The following RAD18 variants were observed in gnomAD, a reference collection of about 807,000 sequenced individuals.
RAD18 encodes the protein E3 ubiquitin-protein ligase RAD18.
In RAD18, 47 loss-of-function variants were observed where a neutral mutation model predicts 60.4. The ratio of observed to expected loss-of-function variants is 0.78; its 90% CI spans 0.62 to 0.99. RAD18 has a LOEUF of 0.99. Ranked by LOEUF, RAD18 falls within the 50% of genes least tolerant of loss-of-function variation. The pLI is 0.00. For missense variants in RAD18, 640 were observed against 593.3 expected (o/e 1.08, Z -0.82); for synonymous variants, 225 against 195.5 (o/e 1.15, Z -1.26).
intron 5 of RAD18, 21 bp from the exon 6 acceptor site, chr3:8,939,674 AAG>A: frequency 6.3e-7 from 1 of 1,586,450 alleles, no homozygotes; most frequent in Non-Finnish European, 8.6e-7. Flanking sequence ...TAAAAAGAAA[AAG>A]AGAGACTTTA....
Position 8,879,705 on chromosome 3 carries a change from C to T in RAD18, c.*1652G>A, listed in dbSNP as rs906777855. 1.6e-4 allele frequency: 24 copies of T among 152,314 alleles called. No individual in the cohort carries two copies. Among genetic ancestry groups the T allele is most frequent in the African/African-American group, 5.3e-4 (22 of 41,436 alleles). 9.4% of individuals were successfully genotyped at this position (152,314 alleles called of 1,614,324 possible). On this transcript the variant is annotated 3_prime_UTR_variant, in exon 13 of 13. Transcript: ENST00000264926. ...TCCTGGGGGGCAAAATCTTTCTGCC[C>T]ACCCCACTGGGAACCATTGTTCTAG...
intron 9 of RAD18, among the ~76,000 whole-genome samples, chr3:8,903,291 G>A (rs1332393487): frequency 7.2e-5 from 11 of 152,040 alleles, no homozygotes; most frequent in African/African-American, 1.9e-4. Context: ...AAAGATGCCC[G>A]CTTTCTTAAA....
intron 7 of RAD18, among the ~76,000 whole-genome samples, chr3:8,914,581 G>T (rs1050245809): frequency 3.3e-5 from 5 of 151,956 alleles, no homozygotes; most frequent in Non-Finnish European, 4.4e-5. Flanking sequence ...ACCTTATGAC[G>T]ATCATTTAAG....
chr3:8,959,086 A>C, intron 1 of RAD18, 85 bp from the exon 2 acceptor site: 1 of 997,560 alleles, frequency 1.0e-6, no homozygotes, highest in South Asian at 1.4e-5. Context: ...TATCCCCTAA[A>C]AAAAAAATCA....
At chr3:8,910,814 T>C (rs1301356490) in intron 9 of RAD18, among the ~76,000 whole-genome samples, 1 of 152,184 alleles carries the variant, frequency 6.6e-6, no homozygotes, top group Non-Finnish European at 1.5e-5. Flanking sequence ...AGCACATCAA[T>C]AGTTAATGTG....
At position 8,879,535 on chromosome 3, in the gene RAD18, T is replaced by G. The variant is rs1178885309; in HGVS notation, c.*1822A>C. On this transcript the variant is annotated 3_prime_UTR_variant, in exon 13 of 13. Transcript: ENST00000264926. The stretch of plus-strand genomic sequence containing the variant: ...TTTCTGTTGTGTAAGCTTCCCCGTC[T>G]GCAGTATCTTGTGACGGCAGCCCTG... 6.6e-6 allele frequency: 1 copy of G among 152,272 alleles called. No individual in the cohort carries two copies. Among genetic ancestry groups the G allele is most frequent in the African/African-American group, 2.4e-5 (1 of 41,464 alleles). 9.4% of individuals were successfully genotyped at this position (152,272 alleles called of 1,614,324 possible). A position where few individuals can be genotyped will look rare whatever the true frequency, so the allele number is the denominator to read the frequency against.
chr3:8,936,818 A>G (rs1469437208), intron 6 of RAD18, among the ~76,000 whole-genome samples: 1 of 152,184 alleles, frequency 6.6e-6, no homozygotes, highest in Non-Finnish European at 1.5e-5. Context: ...CCTTCTCCAC[A>G]CCATCCACCA....
intron 11 of RAD18, among the ~76,000 whole-genome samples, 189 bp from the exon 12 acceptor site, chr3:8,890,640 G>A (rs935668915): frequency 6.6e-6 from 1 of 152,198 alleles, no homozygotes; most frequent in Non-Finnish European, 1.5e-5. Context: ...TCCATTAGGA[G>A]AGGAGGAGCA....
At chr3:8,956,718 TACTTGACA>T (rs1404418144) in intron 2 of RAD18, among the ~76,000 whole-genome samples, 4 of 138,154 alleles carry the variant, frequency 2.9e-5, no homozygotes, top group African/African-American at 1.3e-4. Flanking sequence ...CTGCAGAAAA[TACTTGACA>T]AAATTCAACA....
At chr3:8,895,902 T>A (rs940062408) in intron 11 of RAD18, among the ~76,000 whole-genome samples, 3 of 152,228 alleles carry the variant, frequency 2.0e-5, no homozygotes, top group African/African-American at 7.2e-5. Flanking sequence ...AACACTGGAC[T>A]TTCCCATTAT....
At chr3:8,901,911 T>C (rs481976) in intron 10 of RAD18, among the ~76,000 whole-genome samples, 6,645 of 152,288 alleles carry the variant, frequency 0.044, 189 homozygotes, top group Non-Finnish European at 0.068. Context: ...GCCCAGGCAA[T>C]AGAATTAAAA....
chr3:8,954,554 A>G (rs1173682291), intron 2 of RAD18, among the ~76,000 whole-genome samples: 1 of 152,132 alleles, frequency 6.6e-6, no homozygotes, highest in African/African-American at 2.4e-5. Flanking sequence ...CGCCCCCAAA[A>G]TACTCTTTAA....
chr3:8,918,318 C>CAAAAA (rs56365221), intron 7 of RAD18, among the ~76,000 whole-genome samples: 8 of 72,998 alleles, frequency 1.1e-4, no homozygotes, highest in Non-Finnish European at 1.7e-4. Context: ...AACTCCATCT[C>CAAAAA]AAAAAAAAAA....
Position 8,930,131 on chromosome 3 carries a change from T to C in RAD18, c.889+5740A>G, listed in dbSNP as rs541697656. Among the ~76,000 whole-genome samples, 246 of 152,320 alleles carry C rather than the reference T, an allele frequency of 1.6e-3. 1 individual carries two copies. Among genetic ancestry groups the C allele is most frequent in the Non-Finnish European group, 2.0e-3 (138 of 68,020 alleles). ...ATAAAAATTTGTACATAAATGTTCA[T>C]AACAGCATTATTTATAATAGCCAAA... On this transcript the variant is annotated intron_variant, in intron 7 of 12. Coordinates refer to ENST00000264926, the MANE Select transcript of RAD18 (RefSeq NM_020165.4).
chr3:8,886,119 T>C (rs1939559964), intron 12 of RAD18, among the ~76,000 whole-genome samples: 2 of 152,348 alleles, frequency 1.3e-5, no homozygotes, highest in South Asian at 4.1e-4. Context: ...AAGAAAAACC[T>C]TGTGGCAATT....
chr3:8,930,917 TTTC>T (rs1390323318), intron 7 of RAD18, among the ~76,000 whole-genome samples: 9 of 152,170 alleles, frequency 5.9e-5, no homozygotes, highest in African/African-American at 2.2e-4. Flanking sequence ...TCAGAGATCC[TTTC>T]TTAAGAAATT....
chr3:8,911,956 GA>G (rs1432893489), intron 9 of RAD18, among the ~76,000 whole-genome samples: 4 of 152,186 alleles, frequency 2.6e-5, no homozygotes, highest in African/African-American at 9.6e-5. Context: ...TAGAAGCATT[GA>G]AATCCTATAC....
intron 7 of RAD18, among the ~76,000 whole-genome samples, chr3:8,915,088 G>A (rs1474936189): frequency 2.1e-5 from 3 of 145,632 alleles, no homozygotes; most frequent in Non-Finnish European, 1.5e-5. Flanking sequence ...GGCGGAGCTT[G>A]CAGTGAACTG....
At chr3:8,926,038 CAT>C (rs1240589094) in intron 7 of RAD18, among the ~76,000 whole-genome samples, 2 of 151,726 alleles carry the variant, frequency 1.3e-5, no homozygotes, top group Admixed American at 1.3e-4. Flanking sequence ...TCCTATTCAA[CAT>C]AGTGTTGGAA....
Sources: gnomAD v4.1 joint callset for allele counts (sites outside exome capture counted in the v4.1 genomes callset) on GRCh38, gnomAD v4.1.1 for gene constraint, MANE v1.5 for transcripts, NCBI Gene and HGNC (gene_info 2026-07-23, HGNC 2026-07-21) for gene names.